Variants in MECR observed in about 807,000 individuals in gnomAD.
MECR encodes mitochondrial trans-2-enoyl-CoA reductase.
A neutral mutation model predicts 49.1 loss-of-function variants in MECR; 37 were observed. That is an observed-to-expected ratio of 0.75 (90% CI 0.58 to 0.99). The LOEUF is 0.99. Among genes scored for constraint, MECR ranks in the 50% least tolerant of loss-of-function variants. The probability of loss-of-function intolerance (pLI) is 0.00; values close to 1 mark genes in which losing one functional copy is unlikely to be tolerated. For missense variants in MECR, 470 were observed against 479.6 expected (o/e 0.98, Z 0.19); for synonymous variants, 198 against 191.1 (o/e 1.04, Z -0.30).
chr1:29,200,255 T>C (rs1674990149), intron 7 of MECR: 1 of 328,422 alleles, frequency 3.0e-6, no homozygotes, highest in Non-Finnish European at 5.6e-6. Context: ...TATTCCTCTA[T>C]GGCAGGCAGC....
chr1:29,171,123 C>T, the MECR span: 1 of 152,142 alleles, frequency 6.6e-6, no homozygotes, highest in African/African-American at 2.4e-5. Flanking sequence ...TGTACAAATC[C>T]TTCCTCAGCC....
At chr1:29,183,443 G>A in the MECR span, among the ~76,000 whole-genome samples, 1 of 152,002 alleles carries the variant, frequency 6.6e-6, no homozygotes, top group African/African-American at 2.4e-5. Flanking sequence ...TAGGATATTT[G>A]GGTCAGAGTT....
At chr1:29,176,277 A>G in the MECR span, among the ~76,000 whole-genome samples, 2 of 151,974 alleles carry the variant, frequency 1.3e-5, no homozygotes, top group Non-Finnish European at 2.9e-5. Flanking sequence ...CAAAAAACAA[A>G]AAAACAACAA....
the MECR span, among the ~76,000 whole-genome samples, chr1:29,179,081 CT>C: frequency 6.6e-6 from 1 of 152,176 alleles, no homozygotes; most frequent in East Asian, 1.9e-4. Flanking sequence ...TCCTGAAAGG[CT>C]CTTTCCTCTT....
chr1:29,182,532 T>C, the MECR span, among the ~76,000 whole-genome samples: 2 of 151,970 alleles, frequency 1.3e-5, no homozygotes, highest in African/African-American at 4.8e-5. Context: ...GTAAATTACT[T>C]GACCACAATC....
intron 3 of MECR, among the ~76,000 whole-genome samples, chr1:29,213,936 A>G (rs927757015): frequency 6.6e-6 from 1 of 152,214 alleles, no homozygotes; most frequent in Non-Finnish European, 1.5e-5. Flanking sequence ...GATTATATCA[A>G]TATGTGGGGA....
At chr1:29,226,170 A>G (rs1682019198) in intron 1 of MECR, among the ~76,000 whole-genome samples, 1 of 26,870 alleles carries the variant, frequency 3.7e-5, no homozygotes, top group Non-Finnish European at 2.0e-4. Flanking sequence ...CTCTATCTAA[A>G]AAAAAAAAAA....
At chr1:29,202,942 C>T (rs954878059) in intron 5 of MECR, among the ~76,000 whole-genome samples, 189 bp downstream of exon 5, 1 of 152,208 alleles carries the variant, frequency 6.6e-6, no homozygotes, top group African/African-American at 2.4e-5. Flanking sequence ...CTCATCCTAT[C>T]GCCAAAAGCC....
intron 1 of MECR, among the ~76,000 whole-genome samples, chr1:29,219,559 G>A (rs1315488057): frequency 1.3e-5 from 2 of 151,878 alleles, no homozygotes; most frequent in Non-Finnish European, 2.9e-5. Context: ...TATACATCAT[G>A]CTATTTAAGA....
rs1679337711 is a variant in MECR at position 29,216,117 on chromosome 1, A to G, written c.294T>C (p.Pro98=). 1.2e-6 allele frequency: 2 copies of G among 1,613,928 alleles called. No individual in the cohort carries two copies. The highest frequency in any genetic ancestry group is 1.7e-6 in the Non-Finnish European group (2 of 1,179,934). The change falls in exon 3 of 10, where the codon CCT becomes CCC. Residue 98 remains proline, a synonymous_variant. Transcript: ENST00000263702. ...NMIQGNYGFL[P]ELPAVGGNEG... Reference sequence around the variant, plus strand: ...CGTTCCCTCCAACAGCAGGCAGTTCAGGAAGGAATCCGTAGTTTCCTGAGG... The same window carrying G: ...CGTTCCCTCCAACAGCAGGCAGTTCGGGAAGGAATCCGTAGTTTCCTGAGG...
In MECR at chr1:29,203,175, G is replaced by A. The variant is rs139257940; in HGVS notation, c.609C>T (p.Ile203=). The change falls in exon 5 of 10, where the codon ATC becomes ATT. Residue 203 remains isoleucine, a synonymous_variant. Coordinates refer to ENST00000263702, the MANE Select transcript of MECR (RefSeq NM_016011.5). ...TGGTTCTTAGGCCCAGGGCTGCGGCGATCTGGATGACTGCTTGCCCCACTC... is the reference window on the plus strand; with the variant it reads ...TGGTTCTTAGGCCCAGGGCTGCGGCAATCTGGATGACTGCTTGCCCCACTC... ...NSGVGQAVIQ[I]AAALGLRTIN... is the part of the protein sequence containing the mutation. The A allele has an allele frequency of 1.9e-6, 3 of 1,586,448 alleles. No homozygotes were observed. The highest frequency in any genetic ancestry group is 1.7e-5 in the Admixed American group (1 of 57,766).
chr1:29,180,045 C>G, the MECR span, among the ~76,000 whole-genome samples: 6 of 152,370 alleles, frequency 3.9e-5, no homozygotes, highest in African/African-American at 9.6e-5. Context: ...CTGATTATAG[C>G]TGCCACTTAC....
At chr1:29,192,448 A>T (rs1459275441), downstream of MECR, among the ~76,000 whole-genome samples, 4 of 152,118 alleles carry the variant, frequency 2.6e-5, no homozygotes, top group Non-Finnish European at 5.9e-5. Flanking sequence ...GTGTCCTCTC[A>T]AGGCCCTCTG....
At chr1:29,209,498 G>A (rs1368954149) in intron 3 of MECR, among the ~76,000 whole-genome samples, 1 of 152,002 alleles carries the variant, frequency 6.6e-6, no homozygotes. Flanking sequence ...GAGGGGCAGC[G>A]TGGAAGCCAG....
chr1:29,203,442 A>G (rs1675827025), intron 4 of MECR, among the ~76,000 whole-genome samples: 1 of 151,592 alleles, frequency 6.6e-6, no homozygotes, highest in Non-Finnish European at 1.5e-5. Flanking sequence ...GATGCCTCCC[A>G]GGACTTGGCA....
intron 4 of MECR, among the ~76,000 whole-genome samples, chr1:29,204,633 A>T (rs961098665): frequency 1.3e-5 from 2 of 152,222 alleles, no homozygotes; most frequent in Non-Finnish European, 2.9e-5. Flanking sequence ...TTTATTCAAC[A>T]GTGATCTAGT....
chr1:29,210,879 A>C (rs1241619848), intron 3 of MECR, among the ~76,000 whole-genome samples: 4 of 152,216 alleles, frequency 2.6e-5, no homozygotes, highest in Non-Finnish European at 5.9e-5. Context: ...ATTTGTACAG[A>C]GACTATCACT....
chr1:29,184,332 G>A, the MECR span, among the ~76,000 whole-genome samples: 2 of 151,540 alleles, frequency 1.3e-5, no homozygotes, highest in African/African-American at 4.9e-5. Flanking sequence ...GTGCCACCAC[G>A]CCTGGCTAAT....
Position 29,201,894 on chromosome 1 carries a change from C to T in MECR, c.756+49G>A. On this transcript the variant is annotated intron_variant, in intron 6 of 9. Coordinates refer to ENST00000263702, the MANE Select transcript of MECR (RefSeq NM_016011.5). This position sits in a 1 kb window ranked among gnomAD's most constrained non-coding sequence, Gnocchi z 4.3. ...TTCTCTAATGCATGTCAACTTTCTT[C>T]AGGGAGATGTGCGTGGACTGGAGGG... The T allele has an allele frequency of 6.9e-7, 1 of 1,443,250 alleles. No individual in the cohort carries two copies. The highest frequency in any genetic ancestry group is 2.3e-5 in the East Asian group (1 of 44,048). The allele number at this position is 1,443,250 out of a possible 1,614,324, so 89.4% of individuals were successfully genotyped here.
Sources: gnomAD v4.1 joint callset for allele counts (sites outside exome capture counted in the v4.1 genomes callset) on GRCh38, gnomAD v4.1.1 for gene constraint, Gnocchi (gnomAD v3.1) non-coding constraint, MANE v1.5 for transcripts, NCBI Gene and HGNC (gene_info 2026-07-23, HGNC 2026-07-21) for gene names.